TARBP1: variants seen among roughly 807,000 people sequenced by gnomAD.
TARBP1 encodes tRNA guanosine 2 -O-methyltransferase TARBP1, also known as tRNA (guanosine(18)-2'-O)-methyltransferase TARBP1.
A neutral mutation model predicts 178.6 loss-of-function variants in TARBP1; 144 were observed. The ratio of observed to expected loss-of-function variants is 0.81; its 90% confidence interval spans 0.70 to 0.93. The LOEUF (loss-of-function observed/expected upper bound fraction) is 0.93, where lower values mean the gene tolerates loss of function less well. Among genes scored for constraint, TARBP1 ranks in the 40% least tolerant of loss-of-function variants. TARBP1 has a pLI of 0.00. For missense variants in TARBP1, 2,067 were observed against 2,011.7 expected (o/e 1.03, Z -0.53); for synonymous variants, 787 against 781.0 (o/e 1.01, Z -0.13).
Position 234,418,071 on chromosome 1 carries a change from ATTCTT to A in TARBP1, c.3705+8_3705+12del, listed in dbSNP as rs777313550. On this transcript the variant is annotated splice_region_variant and intron_variant, in intron 22 of 29. Coordinates refer to ENST00000040877, the MANE Select transcript of TARBP1 (RefSeq NM_005646.4). ...CTTAGTTTAAAAATATATAAAAAAT[ATTCTT>A]TACTTACATAAGAAAAACAATCCCA... is the stretch of plus-strand genomic sequence containing the variant. 125 of 1,247,194 alleles carry A rather than the reference ATTCTT, an allele frequency of 1.0e-4. No homozygotes were observed. The highest frequency in any genetic ancestry group is 2.7e-4 in the Middle Eastern group (1 of 3,748). 77.3% of individuals were successfully genotyped at this position (1,247,194 alleles called of 1,614,324 possible). A position where few individuals can be genotyped will look rare whatever the true frequency, so the allele number is the denominator to read the frequency against.
Position 234,479,100 on chromosome 1 carries a change from C to A in TARBP1, c.4G>T (p.Glu2Ter). The A allele has an allele frequency of 6.5e-7, 1 of 1,530,234 alleles. No homozygotes were observed. Among genetic ancestry groups the A allele is most frequent in the Admixed American group, 2.1e-5 (1 of 48,392 alleles). 94.8% of individuals were successfully genotyped at this position (1,530,234 alleles called of 1,614,324 possible). Residue 2 changes from glutamate (E) to a stop codon, truncating the protein, a stop_gained, in exon 1 of 30, where the codon GAG (glutamate) becomes TAG (stop). Coordinates refer to ENST00000040877, the MANE Select transcript of TARBP1 (RefSeq NM_005646.4). LOFTEE classifies it high-confidence loss of function. ...AGCAGCGCTTCCGCGAGCACCCACT[C>A]CATTTGCCGAGCGCCCGCGCCACCG... M[E>*]WVLAEALLSQ...
At position 234,418,125 on chromosome 1, in the gene TARBP1, A is replaced by C; in HGVS notation, c.3664T>G (p.Phe1222Val). Residue 1222 changes from phenylalanine to valine, a missense_variant, in exon 22 of 30, where the codon TTC (phenylalanine) becomes GTC (valine). Phe to Val is a conservative substitution (Grantham distance 50). Coordinates refer to ENST00000040877, the MANE Select transcript of TARBP1 (RefSeq NM_005646.4). The stretch of plus-strand genomic sequence containing the variant: ...CAGAACTTTGGAAGAAATTGAGGGA[A>C]TTTATGAAGAATCAATATAATAATC... ...EWIIILILHK[F>V]PQFLPKFWDC... 1 of 1,475,654 alleles carries C rather than the reference A, an allele frequency of 6.8e-7. No individual in the cohort carries two copies. The highest frequency in any genetic ancestry group is 9.0e-7 in the Non-Finnish European group (1 of 1,106,468). The allele number at this position is 1,475,654 out of a possible 1,614,324, so 91.4% of individuals were successfully genotyped here.
chr1:234,391,550 CA>C lies in TARBP1; in HGVS notation c.*26del, dbSNP rs772868474. The stretch of plus-strand genomic sequence containing the variant: ...GTTTTTTTTAAAAAAGTCTGAACAG[CA>C]GCAGCAGTTCACTAAGGAAGGCACA... On this transcript the variant is annotated 3_prime_UTR_variant, in exon 30 of 30. Transcript: ENST00000040877. 2 of 1,570,106 alleles carry C rather than the reference CA, an allele frequency of 1.3e-6. No individual in the cohort carries two copies. The highest frequency in any genetic ancestry group is 1.7e-6 in the Non-Finnish European group (2 of 1,155,074).
intron 12 of TARBP1, among the ~76,000 whole-genome samples, chr1:234,440,223 T>C (rs1419948690): frequency 1.6e-4 from 25 of 152,062 alleles, no homozygotes; most frequent in Admixed American, 1.6e-3. Flanking sequence ...GGAAAATTAA[T>C]AGCACTGTCA....
At chr1:234,468,914 C>T (rs1668740747) in intron 3 of TARBP1, among the ~76,000 whole-genome samples, 1 of 151,768 alleles carries the variant, frequency 6.6e-6, no homozygotes, top group Admixed American at 6.6e-5. Flanking sequence ...ATTTCATCAG[C>T]CCCTTGTCTG....
In TARBP1 at chr1:234,407,341, C is replaced by CTTTTTTTTTTTTT. The variant is rs543930869; in HGVS notation, c.3793-1255_3793-1243dup. 4.2e-4 allele frequency: 57 copies of CTTTTTTTTTTTTT among 137,028 alleles called. 1 individual carries two copies. Among genetic ancestry groups the CTTTTTTTTTTTTT allele is most frequent in the African/African-American group, 1.3e-3 (48 of 36,588 alleles). 8.5% of individuals were successfully genotyped at this position (137,028 alleles called of 1,614,324 possible). ...TTACAAGAGATTTGTCTTGTCCATCCTTTTTTTTTTTTTTGAGATGGAGTC... is the reference window on the plus strand; with the variant it reads ...TTACAAGAGATTTGTCTTGTCCATCCTTTTTTTTTTTTTTTTTTTTTTTTTTTGAGATGGAGTC... On this transcript the variant is annotated intron_variant, in intron 23 of 29. Coordinates refer to ENST00000040877, the MANE Select transcript of TARBP1 (RefSeq NM_005646.4).
intron 24 of TARBP1, among the ~76,000 whole-genome samples, chr1:234,404,971 C>A (rs1661064525): frequency 6.6e-6 from 1 of 152,124 alleles, no homozygotes; most frequent in Non-Finnish European, 1.5e-5. Flanking sequence ...CAGGGAGGTA[C>A]CCTCGCCCCA....
intron 9 of TARBP1, among the ~76,000 whole-genome samples, chr1:234,453,437 G>A (rs972484156): frequency 6.6e-6 from 1 of 151,052 alleles, no homozygotes; most frequent in African/African-American, 2.4e-5. Context: ...TGATCTGCCC[G>A]CCTCTGCCTC....
At chr1:234,461,467 C>A (rs948777333) in intron 6 of TARBP1, among the ~76,000 whole-genome samples, 2 of 152,094 alleles carry the variant, frequency 1.3e-5, no homozygotes, top group African/African-American at 4.8e-5. Context: ...GCCACCACAC[C>A]CGGCTAATTT....
chr1:234,438,765 G>A (rs557561825), intron 12 of TARBP1, among the ~76,000 whole-genome samples: 201 of 152,026 alleles, frequency 1.3e-3, no homozygotes, highest in South Asian at 2.9e-3. Context: ...TCTGATAAAG[G>A]GTATAAACCT....
rs1294183471 is a variant in TARBP1 at position 234,400,890 on chromosome 1, GA to G, written c.4071+290del. On this transcript the variant is annotated intron_variant, in intron 25 of 29. Transcript: ENST00000040877. ...TCTCACTCATTTCCTTTTAATGTCA[GA>G]ACAGATTTCTGTTTAGAGTTAAATA... 3.2e-5 allele frequency: 7 copies of G among 221,180 alleles called. No individual in the cohort carries two copies. The East Asian group carries it at 7.9e-4, about 25-fold the overall frequency. The allele number at this position is 221,180 out of a possible 1,614,324, so 13.7% of individuals were successfully genotyped here.
chr1:234,433,950 A>G (rs1664746067), intron 13 of TARBP1, among the ~76,000 whole-genome samples: 3 of 152,210 alleles, frequency 2.0e-5, no homozygotes, highest in Admixed American at 2.0e-4. Flanking sequence ...TACAAAAATC[A>G]CTTCTCACAA....
At chr1:234,455,634 A>G (rs1428150925) in intron 9 of TARBP1, among the ~76,000 whole-genome samples, 1 of 152,222 alleles carries the variant, frequency 6.6e-6, no homozygotes, top group Non-Finnish European at 1.5e-5. Flanking sequence ...GATGGGGTGG[A>G]GTACGATAAG....
At chr1:234,441,844 G>A (rs924651472) in intron 12 of TARBP1, among the ~76,000 whole-genome samples, 6 of 152,092 alleles carry the variant, frequency 3.9e-5, no homozygotes, top group African/African-American at 1.4e-4. Context: ...TTAAGATAAT[G>A]TTTTCAAGGT....
Position 234,479,110 on chromosome 1 carries a change from A to G in TARBP1, c.-7T>C. On this transcript the variant is annotated 5_prime_UTR_variant, in exon 1 of 30. Transcript: ENST00000040877. ...CCGCGAGCACCCACTCCATTTGCCGAGCGCCCGCGCCACCGGCCCGGGCTC... is the reference window on the plus strand; with the variant it reads ...CCGCGAGCACCCACTCCATTTGCCGGGCGCCCGCGCCACCGGCCCGGGCTC... The G allele has an allele frequency of 1.3e-6, 2 of 1,526,434 alleles. No individual in the cohort carries two copies. Among genetic ancestry groups the G allele is most frequent in the Non-Finnish European group, 1.7e-6 (2 of 1,150,704 alleles). The allele number at this position is 1,526,434 out of a possible 1,614,324, so 94.6% of individuals were successfully genotyped here.
At position 234,429,571 on chromosome 1, in the gene TARBP1, G is replaced by T; in HGVS notation, c.2716C>A (p.Leu906Ile). 1 of 1,614,164 alleles carries T rather than the reference G, an allele frequency of 6.2e-7. No homozygotes were observed. The highest frequency in any genetic ancestry group is 8.5e-7 in the Non-Finnish European group (1 of 1,180,040). Reference sequence around the variant, plus strand: ...ATTTCACTCCCTGTGGTTGGTATAAGGGTGTGATATTTTTTCAACAGGAAA... The same window carrying T: ...ATTTCACTCCCTGTGGTTGGTATAATGGTGTGATATTTTTTCAACAGGAAA... ...LSFLLKKYHT[L>I]IPTTGSEILE... is the part of the protein sequence containing the mutation. The change falls in exon 16 of 30, where the codon CTT (leucine) becomes ATT (isoleucine). Residue 906 changes from leucine to isoleucine, a missense_variant. Transcript: ENST00000040877.
chr1:234,425,678 C>A lies in TARBP1; in HGVS notation c.3439G>T (p.Asp1147Tyr). 1 of 1,611,418 alleles carries A rather than the reference C, an allele frequency of 6.2e-7. No homozygotes were observed. The highest frequency in any genetic ancestry group is 8.5e-7 in the Non-Finnish European group (1 of 1,179,114). The change falls in exon 20 of 30, where the codon GAT (aspartate) becomes TAT (tyrosine). Residue 1147 changes from aspartate to tyrosine, a missense_variant. Transcript: ENST00000040877. ...FIEDLAIKLL[D>Y]KDELVSKSKK... ...TTAAAGTAAAATACACTTACTTTAT[C>A]TAATAGCTTGATTGCAAGATCCTCA...
Position 234,433,498 on chromosome 1 carries a change from C to T in TARBP1, c.2306G>A (p.Gly769Glu). The T allele has an allele frequency of 4.3e-6, 7 of 1,614,016 alleles. No homozygotes were observed. Among genetic ancestry groups the T allele is most frequent in the Non-Finnish European group, 5.1e-6 (6 of 1,180,002 alleles). Residue 769 changes from glycine (G) to glutamate (E), a missense_variant, in exon 14 of 30, where the codon GGG becomes GAG. By Grantham distance (98) the Gly-to-Glu change is moderately conservative. Transcript: ENST00000040877. The part of the protein sequence containing the change: ...TELINLHLKV[G>E]WKRGNPIWRV... ...CCAGATAGGGTTACCCCTTTTCCAC[C>T]CAACCTTCAAATGCAGATTTATAAG...
At chr1:234,442,483 A>G (rs576532394) in intron 12 of TARBP1, among the ~76,000 whole-genome samples, 4 of 152,330 alleles carry the variant, frequency 2.6e-5, no homozygotes, top group Admixed American at 6.5e-5. Context: ...TATATTATAT[A>G]GCCTCTGGAG....
Sources: allele counts gnomAD v4.1 joint callset (sites outside exome capture counted in the v4.1 genomes callset), GRCh38; gene constraint gnomAD v4.1.1; transcripts MANE v1.5; gene names NCBI Gene and HGNC (gene_info 2026-07-23, HGNC 2026-07-21).